STIM1: variants seen among roughly 807,000 people sequenced by gnomAD.
The protein encoded by STIM1 is stromal interaction molecule 1.
Under a neutral mutation model 74.7 loss-of-function variants are expected in STIM1, and 25 were observed. The ratio of observed to expected loss-of-function variants is 0.33; its 90% CI spans 0.24 to 0.47. The LOEUF (loss-of-function observed/expected upper bound fraction) is 0.47, where lower values mean the gene tolerates loss of function less well. Ranked by LOEUF, STIM1 falls within the 20% of genes least tolerant of loss-of-function variation. The pLI is 1.00. For synonymous variants in STIM1, 328 were observed against 348.8 expected, an observed-to-expected ratio of 0.94 and a Z score of 0.66; for missense variants, 728 against 920.8, an observed-to-expected ratio of 0.79 and a Z score of 2.71.
At chr11:3,969,123 TG>T (rs2135742300) in intron 2 of STIM1, among the ~76,000 whole-genome samples, 1 of 152,294 alleles carries the variant, frequency 6.6e-6, no homozygotes, top group Non-Finnish European at 1.5e-5. Context: ...AGAGCTATCT[TG>T]TCATAGAAGA....
At chr11:3,895,799 C>T (rs59494782) in intron 1 of STIM1, among the ~76,000 whole-genome samples, 5 of 65,060 alleles carry the variant, frequency 7.7e-5, no homozygotes, top group Admixed American at 1.8e-4. Flanking sequence ...TTCCTTCCTT[C>T]CTTCCTTTCT....
chr11:3,997,925 A>G (rs1237366915), intron 2 of STIM1, among the ~76,000 whole-genome samples: 1 of 152,246 alleles, frequency 6.6e-6, no homozygotes, highest in Non-Finnish European at 1.5e-5. Flanking sequence ...TGTCTTAACT[A>G]TCTCCATTCC....
intron 1 of STIM1, among the ~76,000 whole-genome samples, chr11:3,916,546 G>C (rs1267919480): frequency 6.6e-6 from 1 of 151,844 alleles, no homozygotes; most frequent in Non-Finnish European, 1.5e-5. Flanking sequence ...CTGCCTCCTG[G>C]GTTCAAGTGA....
intron 1 of STIM1, among the ~76,000 whole-genome samples, chr11:3,914,179 C>G (rs958554751): frequency 6.6e-6 from 1 of 152,176 alleles, no homozygotes; most frequent in East Asian, 1.9e-4. Context: ...TTTTTGTCTT[C>G]GTGAATTTGC....
intron 2 of STIM1, among the ~76,000 whole-genome samples, chr11:4,021,553 A>T (rs1453350357): frequency 6.6e-6 from 1 of 152,190 alleles, no homozygotes; most frequent in Non-Finnish European, 1.5e-5. Flanking sequence ...GTCTGTTTTT[A>T]TGCCAGCACC....
chr11:3,991,835 A>G (rs957055544), intron 2 of STIM1, among the ~76,000 whole-genome samples: 5 of 151,040 alleles, frequency 3.3e-5, no homozygotes, highest in Admixed American at 6.6e-5. Context: ...CTGTAATCCC[A>G]GCTACTTGGA....
Position 4,092,855 on chromosome 11 carries a change from G to C in STIM1, c.*1057G>C, listed in dbSNP as rs1483675332. 6.6e-6 allele frequency: 1 copy of C among 152,200 alleles called. No individual in the cohort carries two copies. Among genetic ancestry groups the C allele is most frequent in the Non-Finnish European group, 1.5e-5 (1 of 68,048 alleles). 9.4% of individuals were successfully genotyped at this position (152,200 alleles called of 1,614,324 possible). A position where few individuals can be genotyped will look rare whatever the true frequency, so the allele number is the denominator to read the frequency against. ...ATTTTCATGTTACTTTGTAGCCTTG[G>C]CCAGAGGCTCAAAAAGGACACAACC... On this transcript the variant is annotated 3_prime_UTR_variant, in exon 13 of 13. Transcript: ENST00000526596.
rs1451507025 is a variant in STIM1, at chr11:3,954,085, G to A, written c.140-13467G>A. 2.0e-5 allele frequency among the ~76,000 whole-genome samples: 3 copies of A among 152,078 alleles called. No individual in the cohort carries two copies. The South Asian group carries it at 6.2e-4, about 32-fold the overall frequency. On this transcript the variant is annotated intron_variant, in intron 1 of 12. Coordinates refer to ENST00000526596, the MANE Select transcript of STIM1 (RefSeq NM_001382567.1). ...GCCACCATGCCTGGCCTGACTTTCT[G>A]ATCTTTTAATAAGTCAAGTTGTGTG...
intron 2 of STIM1, chr11:3,989,473 T>TGGAG: frequency 1.5e-6 from 1 of 669,670 alleles, no homozygotes; most frequent in South Asian, 1.5e-5. Context: ...CCTGGCGGCG[T>TGGAG]GGAGGGTGCG....
At chr11:3,882,554 T>C (rs562819556) in intron 1 of STIM1, among the ~76,000 whole-genome samples, 6 of 152,324 alleles carry the variant, frequency 3.9e-5, no homozygotes, top group Admixed American at 6.5e-5. Context: ...TTTACCTATG[T>C]ACCAAACCTA....
chr11:3,962,927 T>C (rs576044550), intron 1 of STIM1, among the ~76,000 whole-genome samples: 1 of 152,268 alleles, frequency 6.6e-6, no homozygotes, highest in African/African-American at 2.4e-5. Flanking sequence ...AATTTGTGTT[T>C]TACTTTCCTT....
At chr11:3,952,015 G>T (rs777906658) in intron 1 of STIM1, among the ~76,000 whole-genome samples, 1 of 152,092 alleles carries the variant, frequency 6.6e-6, no homozygotes, top group Non-Finnish European at 1.5e-5. Context: ...AAATCAGTAT[G>T]CACCTTTCAG....
chr11:3,917,175 A>C (rs1315725288), intron 1 of STIM1, among the ~76,000 whole-genome samples: 3 of 152,170 alleles, frequency 2.0e-5, no homozygotes, highest in African/African-American at 7.2e-5. Flanking sequence ...GAGCAGGGTG[A>C]GGCCTAATTG....
chr11:3,898,084 G>A (rs1481257953), intron 1 of STIM1, among the ~76,000 whole-genome samples: 1 of 152,112 alleles, frequency 6.6e-6, no homozygotes, highest in African/African-American at 2.4e-5. Context: ...TTGAGGAATC[G>A]CCACACTGAC....
At chr11:3,904,770 A>G (rs2092435346) in intron 1 of STIM1, among the ~76,000 whole-genome samples, 1 of 151,992 alleles carries the variant, frequency 6.6e-6, no homozygotes, top group Non-Finnish European at 1.5e-5. Flanking sequence ...ATGGAATACA[A>G]GAGAGAGAGC....
At chr11:3,952,606 A>G (rs1256678083) in intron 1 of STIM1, among the ~76,000 whole-genome samples, 1 of 152,220 alleles carries the variant, frequency 6.6e-6, no homozygotes, top group African/African-American at 2.4e-5. Flanking sequence ...AATTCAATAC[A>G]TATTTCAATA....
chr11:4,083,371 A>G lies in STIM1; in HGVS notation c.1347A>G (p.Ser449=), dbSNP rs765057580. The change falls in exon 10 of 13, where the codon TCA becomes TCG. Residue 449 remains serine (S), a synonymous_variant. Coordinates refer to ENST00000526596, the MANE Select transcript of STIM1 (RefSeq NM_001382567.1). Reference sequence around the variant, plus strand: ...TTGTCAACAACCCTGGCATCCACTCACTGGTGGCTGCCCTCAACATAGACC... The same window carrying G: ...TTGTCAACAACCCTGGCATCCACTCGCTGGTGGCTGCCCTCAACATAGACC... The part of the protein sequence containing the change: ...FQIVNNPGIH[S]LVAALNIDPS... 6.8e-6 allele frequency: 11 copies of G among 1,614,070 alleles called. No individual in the cohort carries two copies. In the African/African-American group the frequency reaches 1.1e-4, roughly 16 times the overall value.
Position 4,055,556 on chromosome 11 carries a change from A to G in STIM1, c.416A>G (p.Gln139Arg), listed in dbSNP as rs963476096. ...VYNWTVDEVVQWLITYVELPQ... is the reference protein window; with the variant it reads ...VYNWTVDEVVRWLITYVELPQ... Reference sequence around the variant, plus strand: ...AATTGGACCGTGGATGAGGTGGTACAGTGGCTGATCACATATGTGGAGCTG... The same window carrying G: ...AATTGGACCGTGGATGAGGTGGTACGGTGGCTGATCACATATGTGGAGCTG... Residue 139 changes from glutamine (Q) to arginine (R), a missense_variant, in exon 4 of 13, where the codon CAG (glutamine) becomes CGG (arginine). Around this residue, in one of 5 missense-constraint regions of STIM1, gnomAD observed 132 missense variants for 158.2 expected, o/e 0.83. Coordinates refer to ENST00000526596, the MANE Select transcript of STIM1 (RefSeq NM_001382567.1). 3 of 1,601,342 alleles carry G rather than the reference A, an allele frequency of 1.9e-6. No individual in the cohort carries two copies. The highest frequency in any genetic ancestry group is 2.6e-6 in the Non-Finnish European group (3 of 1,175,016).
intron 1 of STIM1, among the ~76,000 whole-genome samples, chr11:3,910,141 C>T (rs2092537920): frequency 6.6e-6 from 1 of 152,096 alleles, no homozygotes; most frequent in Non-Finnish European, 1.5e-5. Flanking sequence ...TTATAGAGAG[C>T]CTTGTCTATC....
Sources: gnomAD v4.1 joint callset for allele counts (sites outside exome capture counted in the v4.1 genomes callset) on GRCh38, gnomAD v4.1.1 for gene constraint, gnomAD v4.1.1 regional missense constraint, MANE v1.5 for transcripts, NCBI Gene and HGNC (gene_info 2026-07-23, HGNC 2026-07-21) for gene names.